Variants in SPMAP2 observed in about 807,000 individuals in gnomAD.
SPMAP2 encodes sperm microtubule associated protein 2.
At chr19:368,656 A>G in the SPMAP2 span, among the ~76,000 whole-genome samples, 4 of 152,182 alleles carry the variant, frequency 2.6e-5, no homozygotes, top group Non-Finnish European at 4.4e-5. This position sits in a 1 kb window ranked among gnomAD's most constrained non-coding sequence, Gnocchi z 4.1. Context: ...CAGAGGATGA[A>G]ACCATCCCCA....
At chr19:374,211 G>C in the SPMAP2 span, 3 of 1,569,544 alleles carry the variant, frequency 1.9e-6, no homozygotes, top group South Asian at 2.3e-5. Context: ...GAGGGGAGCC[G>C]AGCAGTGGGG....
chr19:370,593 A>G, the SPMAP2 span, among the ~76,000 whole-genome samples: 36,257 of 149,920 alleles, frequency 0.24, 5,565 homozygotes, highest in South Asian at 0.42. Flanking sequence ...CTCGTGATCC[A>G]CCCGCCTCAG....
chr19:365,242 C>G, the SPMAP2 span, among the ~76,000 whole-genome samples: 8 of 152,242 alleles, frequency 5.3e-5, no homozygotes, highest in Non-Finnish European at 8.8e-5. Context: ...CTAATTGTCT[C>G]TTCTGCACCT....
the SPMAP2 span, chr19:375,672 G>A: frequency 1.9e-6 from 3 of 1,572,676 alleles, no homozygotes; most frequent in South Asian, 2.4e-5. Context: ...CCTGATTTCA[G>A]GAATGTCCTC....
At chr19:367,225 C>T in the SPMAP2 span, 16 of 1,591,792 alleles carry the variant, frequency 1.0e-5, no homozygotes, top group South Asian at 1.8e-4. Context: ...CCTGGGACAC[C>T]TGGAAAGAGA....
the SPMAP2 span, chr19:372,813 T>C: frequency 1.0e-6 from 1 of 998,468 alleles, no homozygotes; most frequent in Non-Finnish European, 1.6e-6. Flanking sequence ...GAGGCTGAAT[T>C]GGAAGAACTG....
the SPMAP2 span, among the ~76,000 whole-genome samples, chr19:365,629 C>T: frequency 0.02 from 1,190 of 58,176 alleles, 82 homozygotes; most frequent in Middle Eastern, 0.048. Context: ...ATAGCAAGTG[C>T]GAGCACACAC....
chr19:362,345 G>A, the SPMAP2 span: 2 of 1,610,726 alleles, frequency 1.2e-6, no homozygotes, highest in Non-Finnish European at 1.7e-6. Flanking sequence ...CCGGGGGCTG[G>A]CCACCACCTT....
At chr19:375,003 C>T in the SPMAP2 span, among the ~76,000 whole-genome samples, 5 of 152,222 alleles carry the variant, frequency 3.3e-5, no homozygotes, top group Admixed American at 2.6e-4. Flanking sequence ...GAGGGCAGGG[C>T]AGCCACTTTG....
chr19:375,563 C>T, the SPMAP2 span: 31 of 1,274,616 alleles, frequency 2.4e-5, no homozygotes, highest in African/African-American at 1.7e-4. Flanking sequence ...TGGCCGGTTA[C>T]GACCCTTTCG....
chr19:363,279 G>A, the SPMAP2 span, among the ~76,000 whole-genome samples: 10 of 151,758 alleles, frequency 6.6e-5, no homozygotes, highest in Admixed American at 3.3e-4. Context: ...TGCAACCTCC[G>A]CCTCCCAGGT....
At chr19:367,001 A>T in the SPMAP2 span, 9 of 1,563,340 alleles carry the variant, frequency 5.8e-6, no homozygotes, top group South Asian at 1.0e-4. Context: ...AGGCAGAGGT[A>T]TAAGGTGTCC....
chr19:373,781 G>T, the SPMAP2 span, among the ~76,000 whole-genome samples: 18 of 152,116 alleles, frequency 1.2e-4, no homozygotes, highest in African/African-American at 4.3e-4. Flanking sequence ...CACCTCCTGG[G>T]AGCAGACCCA....
At chr19:372,377 C>T in the SPMAP2 span, among the ~76,000 whole-genome samples, 1 of 152,266 alleles carries the variant, frequency 6.6e-6, no homozygotes, top group East Asian at 1.9e-4. Flanking sequence ...TGCAAATCCC[C>T]GTTCACGGGT....
At chr19:367,082 C>A in the SPMAP2 span, 2 of 1,612,610 alleles carry the variant, frequency 1.2e-6, no homozygotes, top group East Asian at 2.2e-5. Context: ...GTGAAGGAGG[C>A]GGTTATGGTC....
chr19:373,818 C>T, the SPMAP2 span: 7 of 973,598 alleles, frequency 7.2e-6, no homozygotes, highest in Non-Finnish European at 9.5e-6. Flanking sequence ...AGCCCCACAT[C>T]TGAGGAGCCC....
chr19:366,736 T>G, the SPMAP2 span, among the ~76,000 whole-genome samples: 1 of 152,170 alleles, frequency 6.6e-6, no homozygotes, highest in Non-Finnish European at 1.5e-5. Flanking sequence ...TCGCACACAT[T>G]ACCCTTGTCG....
At chr19:370,898 G>T in the SPMAP2 span, among the ~76,000 whole-genome samples, 1 of 152,054 alleles carries the variant, frequency 6.6e-6, no homozygotes, top group African/African-American at 2.4e-5. Context: ...GTTGCCGGTG[G>T]CCAGGAGTCC....
At chr19:374,591 G>T in the SPMAP2 span, 15 of 881,916 alleles carry the variant, frequency 1.7e-5, no homozygotes, top group Non-Finnish European at 2.2e-5. Context: ...CACCACGAAG[G>T]CCTGGACCAA....
Sources: gnomAD v4.1 joint callset for allele counts (sites outside exome capture counted in the v4.1 genomes callset) on GRCh38, gnomAD v4.1.1 for gene constraint, Gnocchi (gnomAD v3.1) non-coding constraint, MANE v1.5 for transcripts, NCBI Gene and HGNC (gene_info 2026-07-23, HGNC 2026-07-21) for gene names.